Variants in ZNF136 observed in about 807,000 individuals in gnomAD.
ZNF136 encodes zinc finger protein 136 (clone pHZ-20).
In ZNF136, 8 loss-of-function variants were observed where a neutral mutation model predicts 11.4. The ratio of observed to expected loss-of-function variants is 0.70; its 90% CI spans 0.41 to 1.27. The LOEUF (loss-of-function observed/expected upper bound fraction) is 1.27, where lower values mean the gene tolerates loss of function less well. ZNF136 is among the 50% of genes most tolerant of loss of function. The pLI is 0.01. For synonymous variants in ZNF136, 190 were observed against 207.1 expected (o/e 0.92, Z 0.71); for missense variants, 590 against 656.5 (o/e 0.90, Z 1.11).
intron 1 of ZNF136, among the ~76,000 whole-genome samples, chr19:12,170,143 T>C (rs1012062445): frequency 6.7e-6 from 1 of 148,706 alleles, no homozygotes. Context: ...TTAGCCAGGG[T>C]GGTCTCAATC....
At chr19:12,180,640 C>G (rs146980551) in intron 1 of ZNF136, among the ~76,000 whole-genome samples, 211 of 152,182 alleles carry the variant, frequency 1.4e-3, no homozygotes, top group Non-Finnish European at 2.5e-3. Context: ...ATATTTCCAC[C>G]TCTTATACAT....
Position 12,186,842 on chromosome 19 carries a change from T to C in ZNF136, c.464T>C (p.Phe155Ser). 1 of 1,614,124 alleles carries C rather than the reference T, an allele frequency of 6.2e-7. No homozygotes were observed. The highest frequency in any genetic ancestry group is 8.5e-7 in the Non-Finnish European group (1 of 1,180,012). ...CWKPFSSHHSFRTHEIIHTGE... is the reference protein window; with the variant it reads ...CWKPFSSHHSSRTHEIIHTGE... ...AAACCCTTCAGTTCTCACCACTCCT[T>C]TCGAACACATGAGATAATTCACACT... The change falls in exon 4 of 4, where the codon TTT (phenylalanine) becomes TCT (serine). Residue 155 changes from phenylalanine to serine, a missense_variant. Physicochemically the swap from Phe to Ser is radical, Grantham distance 155 (BLOSUM62 -2). Transcript: ENST00000343979.
chr19:12,180,950 T>A (rs1228409806), intron 1 of ZNF136, among the ~76,000 whole-genome samples: 1 of 152,218 alleles, frequency 6.6e-6, no homozygotes, highest in Non-Finnish European at 1.5e-5. Context: ...GGGCGGAGCC[T>A]GAAGTTATAT....
intron 1 of ZNF136, among the ~76,000 whole-genome samples, chr19:12,176,451 C>T (rs1012316816): frequency 6.6e-6 from 1 of 151,970 alleles, no homozygotes; most frequent in Non-Finnish European, 1.5e-5. Context: ...TTCAGCCTCC[C>T]GTATAGCTGG....
intron 1 of ZNF136, among the ~76,000 whole-genome samples, chr19:12,182,356 C>A (rs917628141): frequency 6.6e-6 from 1 of 152,198 alleles, no homozygotes; most frequent in Non-Finnish European, 1.5e-5. Flanking sequence ...CTCTCTTTTC[C>A]TGGTCCTGGG....
Position 12,186,581 on chromosome 19 carries a change from TAGAA to T in ZNF136, c.207_210del (p.Glu69AspfsTer23). The T allele has an allele frequency of 6.2e-7, 1 of 1,608,858 alleles. No individual in the cohort carries two copies. Among genetic ancestry groups the T allele is most frequent in the Non-Finnish European group, 8.5e-7 (1 of 1,177,212 alleles). On this transcript the variant is annotated frameshift_variant, in exon 4 of 4. Transcript: ENST00000343979. LOFTEE classifies it low-confidence loss of function (END_TRUNC). Reference sequence around the variant, plus strand: ...CTCATTTTTTACAGAAGTCATATGTTAGAAAGACTCTATCAAACTAAGGATGGTA... The same window carrying T: ...CTCATTTTTTACAGAAGTCATATGTTAGACTCTATCAAACTAAGGATGGTA...
chr19:12,186,805 A>T lies in ZNF136; in HGVS notation c.427A>T (p.Asn143Tyr). The change falls in exon 4 of 4, where the codon AAC (asparagine) becomes TAC (tyrosine). Residue 143 changes from asparagine (N) to tyrosine (Y), a missense_variant. Physicochemically the swap from Asn to Tyr is moderately radical, Grantham distance 143 (BLOSUM62 -2). Transcript: ENST00000343979. ...ATATGGAGAGAAGCCAGATACACGT[A>T]ACCAGTGTTGGAAACCCTTCAGTTC... is the stretch of plus-strand genomic sequence containing the variant. The part of the protein sequence containing the change: ...QEYGEKPDTR[N>Y]QCWKPFSSHH... 6.2e-7 allele frequency: 1 copy of T among 1,614,168 alleles called. No homozygotes were observed. The highest frequency in any genetic ancestry group is 1.1e-5 in the South Asian group (1 of 91,082).
chr19:12,174,533 C>A lies in ZNF136; in HGVS notation c.4-11252C>A, dbSNP rs574460677. ...CTCCTGATTACTACAGATTTCAAAT[C>A]CTCGATGTATGTTAGAGAAAGAACC... On this transcript the variant is annotated intron_variant, in intron 1 of 3. Transcript: ENST00000343979. 2.0e-5 allele frequency among the ~76,000 whole-genome samples: 3 copies of A among 152,300 alleles called. No homozygotes were observed. In the East Asian group the frequency reaches 5.8e-4, roughly 29 times the overall value.
Position 12,187,223 on chromosome 19 carries a change from G to C in ZNF136, c.845G>C (p.Cys282Ser), listed in dbSNP as rs765759686. The C allele has an allele frequency of 6.2e-7, 1 of 1,613,906 alleles. No homozygotes were observed. Among genetic ancestry groups the C allele is most frequent in the Admixed American group, 1.7e-5 (1 of 59,994 alleles). ...RIHTGEKPFK[C>S]KQCGKAFSCS... is the part of the protein sequence containing the mutation. ...CACACTGGAGAAAAACCCTTTAAAT[G>C]TAAGCAATGTGGTAAAGCCTTCAGT... Residue 282 changes from cysteine to serine, a missense_variant, in exon 4 of 4, where the codon TGT becomes TCT. Physicochemically the swap from Cys to Ser is moderately radical, Grantham distance 112 (BLOSUM62 -1). Coordinates refer to ENST00000343979, the MANE Select transcript of ZNF136 (RefSeq NM_003437.5).
rs191381323 is a variant in ZNF136 at position 12,169,640 on chromosome 19, G to T, written c.3+6434G>T. 5.5e-5 allele frequency among the ~76,000 whole-genome samples: 8 copies of T among 144,730 alleles called. No individual in the cohort carries two copies. The South Asian group carries it at 1.1e-3, about 20-fold the overall frequency. The allele number at this position is 144,730 out of a possible 152,430, so 94.9% of individuals were successfully genotyped here. On this transcript the variant is annotated intron_variant, in intron 1 of 3. Transcript: ENST00000343979. ...TTTTTTTTTTTTGAGACGGACTCTC[G>T]CTCTGTTGCCCAGGCTAGAGTGCAA...
In ZNF136 at chr19:12,187,767, T is replaced by C. The variant is rs769403248; in HGVS notation, c.1389T>C (p.Phe463=). 1.2e-5 allele frequency: 19 copies of C among 1,612,828 alleles called. No homozygotes were observed. The South Asian group carries it at 1.9e-4, about 16-fold the overall frequency. Residue 463 remains phenylalanine (F), a synonymous_variant, in exon 4 of 4, where the codon TTT becomes TTC. Coordinates refer to ENST00000343979, the MANE Select transcript of ZNF136 (RefSeq NM_003437.5). Reference sequence around the variant, plus strand: ...AAGCCTTCAGTTATCTCAACTCCTTTCGAACACATGAAATGATTCACACTG... The same window carrying C: ...AAGCCTTCAGTTATCTCAACTCCTTCCGAACACATGAAATGATTCACACTG... ...CGKAFSYLNS[F]RTHEMIHTGE...
chr19:12,174,195 A>G (rs1169817763), intron 1 of ZNF136, among the ~76,000 whole-genome samples: 1 of 152,150 alleles, frequency 6.6e-6, no homozygotes, highest in Non-Finnish European at 1.5e-5. Context: ...GTGAGCCACC[A>G]CATTTGGCCA....
intron 1 of ZNF136, among the ~76,000 whole-genome samples, chr19:12,163,424 G>GCGGCCC (rs916453682): frequency 1.5e-4 from 23 of 152,246 alleles, no homozygotes; most frequent in African/African-American, 5.5e-4. Context: ...TGCCGCGATT[G>GCGGCCC]CGGCCCCGGC....
chr19:12,171,758 T>C (rs1914659757), intron 1 of ZNF136, among the ~76,000 whole-genome samples: 1 of 151,938 alleles, frequency 6.6e-6, no homozygotes, highest in Non-Finnish European at 1.5e-5. Context: ...AAGGGTACTC[T>C]TCTTGATTTT....
chr19:12,168,678 A>G (rs1488601942), intron 1 of ZNF136, among the ~76,000 whole-genome samples: 2 of 148,386 alleles, frequency 1.3e-5, no homozygotes, highest in Non-Finnish European at 1.5e-5. Flanking sequence ...TTCTTGGGTC[A>G]TCCTTTTTTT....
At chr19:12,171,715 C>T (rs544723848) in intron 1 of ZNF136, among the ~76,000 whole-genome samples, 2 of 151,518 alleles carry the variant, frequency 1.3e-5, no homozygotes, top group East Asian at 1.9e-4. Flanking sequence ...CTTTTTTGGC[C>T]GCCTTCTGCA....
intron 1 of ZNF136, chr19:12,184,757 G>T (rs1298978741): frequency 6.6e-6 from 1 of 152,094 alleles, no homozygotes; most frequent in Non-Finnish European, 1.5e-5. Context: ...CATCAGGTGG[G>T]CACTATGTGT....
intron 1 of ZNF136, among the ~76,000 whole-genome samples, chr19:12,177,338 TTTTG>T (rs530222333): frequency 8.5e-5 from 13 of 152,312 alleles, no homozygotes; most frequent in East Asian, 1.9e-4. Context: ...GTATAGAAGT[TTTTG>T]TTTGTTTGTT....
chr19:12,187,961 AAGATGGACC>A lies in ZNF136; in HGVS notation c.1585_1593del (p.Asp529_Pro531del). ...CAGAGACACATGTTAACACATGCTG[AAGATGGACC>A]ACCTTATAAATGCATGTGGGAAAGC... On this transcript the variant is annotated inframe_deletion, in exon 4 of 4. Coordinates refer to ENST00000343979, the MANE Select transcript of ZNF136 (RefSeq NM_003437.5). 3 of 1,543,634 alleles carry A rather than the reference AAGATGGACC, an allele frequency of 1.9e-6. No homozygotes were observed. Among genetic ancestry groups the A allele is most frequent in the Non-Finnish European group, 2.6e-6 (3 of 1,152,064 alleles).
Sources: allele counts gnomAD v4.1 joint callset (sites outside exome capture counted in the v4.1 genomes callset), GRCh38; gene constraint gnomAD v4.1.1; transcripts MANE v1.5; gene names NCBI Gene and HGNC (gene_info 2026-07-23, HGNC 2026-07-21).